The following LONP2 variants were observed in gnomAD, a reference collection of about 807,000 sequenced individuals.
LONP2 encodes the protein lon peptidase 2, peroxisomal, also known as lon protease homolog 2, peroxisomal.
Under a neutral mutation model 85.6 loss-of-function variants are expected in LONP2, and 60 were observed. That is an observed-to-expected ratio of 0.70 (90% CI 0.57 to 0.87). The LOEUF (loss-of-function observed/expected upper bound fraction) is 0.87, where lower values mean the gene tolerates loss of function less well. Among genes scored for constraint, LONP2 ranks in the 40% least tolerant of loss-of-function variants. The pLI, the probability that LONP2 is intolerant of heterozygous loss-of-function variation, is 0.00. For missense variants in LONP2, 860 were observed against 1,063.5 expected, an observed-to-expected ratio of 0.81 and a Z score of 2.66; for synonymous variants, 395 against 389.7, an observed-to-expected ratio of 1.01 and a Z score of -0.16.
intron 11 of LONP2, among the ~76,000 whole-genome samples, chr16:48,304,981 T>C (rs1418388624): frequency 1.3e-5 from 2 of 152,238 alleles, no homozygotes; most frequent in East Asian, 3.9e-4. Flanking sequence ...AATGTCTTTC[T>C]TGTTTTTCCA....
chr16:48,297,548 G>A lies in LONP2; in HGVS notation c.1534+1383G>A, dbSNP rs1489671879. Among the ~76,000 whole-genome samples the A allele has an allele frequency of 2.0e-5, 3 of 152,160 alleles. No individual in the cohort carries two copies. The East Asian group carries it at 5.8e-4, about 29-fold the overall frequency. On this transcript the variant is annotated intron_variant, in intron 9 of 14. Coordinates refer to ENST00000285737, the MANE Select transcript of LONP2 (RefSeq NM_031490.5). Reference sequence around the variant, plus strand: ...TGGTCTTGAACTCCTGACCTTAGGTGATTCACCCGCCTCAGCCTCCAAAGT... The same window carrying A: ...TGGTCTTGAACTCCTGACCTTAGGTAATTCACCCGCCTCAGCCTCCAAAGT...
chr16:48,301,393 T>G (rs761725389), intron 10 of LONP2, among the ~76,000 whole-genome samples: 3 of 152,174 alleles, frequency 2.0e-5, no homozygotes, highest in Non-Finnish European at 4.4e-5. Context: ...CAGGCTGGAG[T>G]GCAGTGGCAT....
intron 4 of LONP2, among the ~76,000 whole-genome samples, chr16:48,260,300 A>G (rs1199770377): frequency 6.6e-6 from 1 of 152,206 alleles, no homozygotes; most frequent in African/African-American, 2.4e-5. Flanking sequence ...TTTCCAGGTT[A>G]AAAAATAAGT....
intron 13 of LONP2, 41 bp downstream of exon 13, chr16:48,347,755 G>GC: frequency 6.4e-7 from 1 of 1,570,426 alleles, no homozygotes; most frequent in Non-Finnish European, 8.7e-7. Context: ...GACCCAGGAG[G>GC]CGGTACCTTC....
intron 14 of LONP2, among the ~76,000 whole-genome samples, chr16:48,348,658 A>G (rs1233490459): frequency 6.6e-6 from 1 of 151,844 alleles, no homozygotes; most frequent in African/African-American, 2.4e-5. Context: ...ATGCTCAGCT[A>G]ATTTATTTTA....
chr16:48,296,444 C>T (rs776920974), intron 9 of LONP2, among the ~76,000 whole-genome samples: 11 of 152,050 alleles, frequency 7.2e-5, no homozygotes, highest in Non-Finnish European at 1.5e-4. Context: ...TCTAAAATGG[C>T]AGGCTGTGTG....
chr16:48,348,166 CA>C lies in LONP2; in HGVS notation c.2217del (p.Asp740MetfsTer9), dbSNP rs776523240. The C allele has an allele frequency of 1.4e-5, 22 of 1,612,220 alleles. No homozygotes were observed. Among genetic ancestry groups the C allele is most frequent in the Non-Finnish European group, 1.8e-5 (21 of 1,179,698 alleles). ...IHLHFPAGAVTKDGPSAGVTI... is the reference protein window; with the variant it reads ...IHLHFPAGAVXKDGPSAGVTI... ...CTGCACTTCCCAGCTGGAGCTGTCA[CA>C]AAAGATGGACCATCTGCTGGAGTTA... is the stretch of plus-strand genomic sequence containing the variant. On this transcript the variant is annotated frameshift_variant, in exon 14 of 15. Coordinates refer to ENST00000285737, the MANE Select transcript of LONP2 (RefSeq NM_031490.5). LOFTEE classifies it high-confidence loss of function.
At chr16:48,260,967 G>A (rs1306546216) in intron 4 of LONP2, among the ~76,000 whole-genome samples, 1 of 152,196 alleles carries the variant, frequency 6.6e-6, no homozygotes, top group Non-Finnish European at 1.5e-5. Context: ...GGAAAGCTTT[G>A]AAGACAAAAT....
At chr16:48,277,282 C>A in intron 7 of LONP2, 56 bp from the exon 8 acceptor site, 2 of 1,558,180 alleles carry the variant, frequency 1.3e-6, no homozygotes, top group Non-Finnish European at 8.7e-7. Context: ...TTCTGAATGG[C>A]GTCGCTCCTG....
chr16:48,257,049 C>G (rs960889333), intron 3 of LONP2, among the ~76,000 whole-genome samples: 1 of 152,122 alleles, frequency 6.6e-6, no homozygotes, highest in Non-Finnish European at 1.5e-5. Context: ...TGGGTGCTCA[C>G]GCCTGTAGTC....
chr16:48,298,628 T>TAG (rs1259847160), intron 9 of LONP2, among the ~76,000 whole-genome samples: 5 of 90,418 alleles, frequency 5.5e-5, no homozygotes, highest in Admixed American at 9.9e-5. Flanking sequence ...TTAATTGAGG[T>TAG]GTGTGTGTGT....
At chr16:48,271,720 A>C (rs1474836225) in intron 7 of LONP2, among the ~76,000 whole-genome samples, 2 of 152,172 alleles carry the variant, frequency 1.3e-5, no homozygotes, top group Non-Finnish European at 2.9e-5. Flanking sequence ...CATCTCTAAA[A>C]AAATAATAAT....
At chr16:48,279,505 G>A (rs953901676) in intron 8 of LONP2, among the ~76,000 whole-genome samples, 2 of 152,116 alleles carry the variant, frequency 1.3e-5, no homozygotes, top group Admixed American at 1.3e-4. Flanking sequence ...GGGGTCGGGG[G>A]TATCACTGCA....
chr16:48,327,436 C>T (rs1324759216), intron 11 of LONP2, among the ~76,000 whole-genome samples: 1 of 152,074 alleles, frequency 6.6e-6, no homozygotes, highest in Non-Finnish European at 1.5e-5. Context: ...TGTTTAACAG[C>T]ACTTTATTAC....
intron 14 of LONP2, among the ~76,000 whole-genome samples, chr16:48,348,659 A>G (rs1182494982): frequency 6.6e-6 from 1 of 151,944 alleles, no homozygotes; most frequent in Non-Finnish European, 1.5e-5. Flanking sequence ...TGCTCAGCTA[A>G]TTTATTTTAT....
intron 12 of LONP2, among the ~76,000 whole-genome samples, chr16:48,340,903 G>A (rs1053856795): frequency 1.5e-4 from 23 of 152,116 alleles, no homozygotes; most frequent in African/African-American, 5.6e-4. Context: ...GTGACAGAGT[G>A]AAAACTCTGT....
At chr16:48,282,880 C>G (rs1006326520) in intron 8 of LONP2, among the ~76,000 whole-genome samples, 6 of 152,200 alleles carry the variant, frequency 3.9e-5, no homozygotes, top group Admixed American at 3.9e-4. Context: ...ATGTTGAAAG[C>G]TAGGCCTCTT....
chr16:48,318,584 C>T (rs576457167), intron 11 of LONP2, among the ~76,000 whole-genome samples: 1 of 152,300 alleles, frequency 6.6e-6, no homozygotes, highest in Admixed American at 6.5e-5. Flanking sequence ...TAGTTCTTTT[C>T]ATTCATTGAC....
Position 48,328,774 on chromosome 16 carries a change from G to A in LONP2, c.1796-5442G>A, listed in dbSNP as rs185388889. Among the ~76,000 whole-genome samples the A allele has an allele frequency of 8.7e-5, 13 of 150,144 alleles. No individual in the cohort carries two copies. In the South Asian group the frequency reaches 1.7e-3, roughly 20 times the overall value. On this transcript the variant is annotated intron_variant, in intron 11 of 14. Transcript: ENST00000285737. ...GCATGAGAATCGCATGAACACAGAC[G>A]GCAGAGGTTGCAGTGAGCTGAGATC...
Sources: gnomAD v4.1 joint callset for allele counts (sites outside exome capture counted in the v4.1 genomes callset) on GRCh38, gnomAD v4.1.1 for gene constraint, MANE v1.5 for transcripts, NCBI Gene and HGNC (gene_info 2026-07-23, HGNC 2026-07-21) for gene names.